The following MCF2L2 variants were observed in gnomAD, a reference collection of about 807,000 sequenced individuals.
MCF2L2 encodes MCF.2 cell line derived transforming sequence-like 2.
A neutral mutation model predicts 150.2 loss-of-function variants in MCF2L2; 102 were observed. That is an observed-to-expected ratio of 0.68 (90% CI 0.58 to 0.80). The LOEUF is 0.80. MCF2L2 is among the 30% of genes least tolerant of loss of function. MCF2L2 has a pLI of 0.00. For missense variants in MCF2L2, 1,256 were observed against 1,372.8 expected (o/e 0.91, Z 1.34); for synonymous variants, 465 against 491.3 (o/e 0.95, Z 0.71).
At chr3:183,302,092 G>A (rs531303793) in intron 10 of MCF2L2, among the ~76,000 whole-genome samples, 8 of 152,208 alleles carry the variant, frequency 5.3e-5, no homozygotes, top group Admixed American at 5.2e-4. Flanking sequence ...GAGCTCCCCT[G>A]GTAGACAACA....
chr3:183,299,127 AGGGCACCCCTCTCCTTGT>A (rs1560008151), intron 11 of MCF2L2: 1 of 152,346 alleles, frequency 6.6e-6, no homozygotes, highest in African/African-American at 2.4e-5. Flanking sequence ...TCACCTCCAA[AGGGCACCCCTCTCCTTGT>A]GGGCCCCTGG....
intron 20 of MCF2L2, among the ~76,000 whole-genome samples, chr3:183,221,235 AC>A (rs35090827): frequency 6.6e-6 from 1 of 151,898 alleles, no homozygotes; most frequent in Non-Finnish European, 1.5e-5. Context: ...CTCCTCACAG[AC>A]CCCCCGCAAA....
intron 1 of MCF2L2, among the ~76,000 whole-genome samples, chr3:183,391,390 T>C (rs1314562924): frequency 6.6e-6 from 1 of 152,080 alleles, no homozygotes; most frequent in East Asian, 1.9e-4. Flanking sequence ...AGCTTCTTCA[T>C]CCCAATACCA....
intron 5 of MCF2L2, among the ~76,000 whole-genome samples, chr3:183,330,584 G>A (rs1730232558): frequency 6.6e-6 from 1 of 152,046 alleles, no homozygotes; most frequent in Admixed American, 6.6e-5. Context: ...TGTGGTGACT[G>A]GATAACACCA....
chr3:183,248,403 G>C (rs1306062588), intron 15 of MCF2L2, among the ~76,000 whole-genome samples: 1 of 152,156 alleles, frequency 6.6e-6, no homozygotes, highest in Non-Finnish European at 1.5e-5. Context: ...TTGTATTAAA[G>C]AGTACTCAAT....
intron 27 of MCF2L2, among the ~76,000 whole-genome samples, chr3:183,191,303 C>G (rs1057281313): frequency 3.9e-5 from 6 of 152,120 alleles, no homozygotes; most frequent in African/African-American, 1.4e-4. Flanking sequence ...CAGAGAGGCA[C>G]ATTTGTTACA....
chr3:183,338,736 T>C (rs1730588137), intron 5 of MCF2L2, 64 bp downstream of exon 5: 4 of 1,511,490 alleles, frequency 2.6e-6, no homozygotes, highest in Non-Finnish European at 2.7e-6. Context: ...CCAGAAACCC[T>C]GCCCAAATGC....
intron 1 of MCF2L2, among the ~76,000 whole-genome samples, chr3:183,418,220 T>C (rs1715699995): frequency 6.6e-6 from 1 of 151,864 alleles, no homozygotes; most frequent in Non-Finnish European, 1.5e-5. Flanking sequence ...ACCCATCAGA[T>C]CTTGTGAGAA....
At chr3:183,352,142 T>G (rs1711519812) in intron 3 of MCF2L2, among the ~76,000 whole-genome samples, 1 of 152,188 alleles carries the variant, frequency 6.6e-6, no homozygotes, top group Admixed American at 6.5e-5. Flanking sequence ...TCATCTTATC[T>G]TTTGCTATTT....
chr3:183,385,480 G>A (rs1356649384), intron 2 of MCF2L2, among the ~76,000 whole-genome samples: 2 of 152,154 alleles, frequency 1.3e-5, no homozygotes, highest in East Asian at 3.9e-4. Context: ...GGTGAAACTG[G>A]GGACTCTACA....
intron 2 of MCF2L2, among the ~76,000 whole-genome samples, chr3:183,384,408 G>A (rs150531913): frequency 6.6e-6 from 1 of 152,196 alleles, no homozygotes; most frequent in African/African-American, 2.4e-5. Flanking sequence ...CATGCAGCTG[G>A]AGGCTGCAAG....
chr3:183,366,211 A>G (rs1435560424), intron 3 of MCF2L2, among the ~76,000 whole-genome samples: 1 of 152,200 alleles, frequency 6.6e-6, no homozygotes, highest in Admixed American at 6.5e-5. Context: ...AAGGATTAGC[A>G]TTGTTATCAG....
intron 14 of MCF2L2, among the ~76,000 whole-genome samples, chr3:183,278,085 G>A (rs1727261841): frequency 6.6e-6 from 1 of 151,586 alleles, no homozygotes; most frequent in African/African-American, 2.4e-5. Flanking sequence ...TTGGGAGGCT[G>A]AGGCAGGAGA....
chr3:183,214,321 C>T (rs563566939), intron 22 of MCF2L2, among the ~76,000 whole-genome samples: 10 of 152,240 alleles, frequency 6.6e-5, no homozygotes, highest in Middle Eastern at 3.4e-3. Context: ...TATACACACC[C>T]TAACCCTACT....
At chr3:183,249,812 C>G (rs1194998296) in intron 15 of MCF2L2, among the ~76,000 whole-genome samples, 2 of 152,156 alleles carry the variant, frequency 1.3e-5, no homozygotes, top group Non-Finnish European at 2.9e-5. Flanking sequence ...ATTCTTGGAA[C>G]AAAAGTTTGA....
At chr3:183,317,681 C>A (rs1729654945) in intron 7 of MCF2L2, among the ~76,000 whole-genome samples, 1 of 152,178 alleles carries the variant, frequency 6.6e-6, no homozygotes, top group Non-Finnish European at 1.5e-5. Context: ...CCTACCCCTG[C>A]AATTTCAGCA....
chr3:183,355,389 G>C (rs1260180036), intron 3 of MCF2L2, among the ~76,000 whole-genome samples: 1 of 151,712 alleles, frequency 6.6e-6, no homozygotes, highest in South Asian at 2.1e-4. Flanking sequence ...TTTCAGTAGA[G>C]GGGGGCAGAA....
At chr3:183,417,185 G>A (rs1160301309) in intron 1 of MCF2L2, among the ~76,000 whole-genome samples, 1 of 149,306 alleles carries the variant, frequency 6.7e-6, no homozygotes, top group Non-Finnish European at 1.5e-5. Context: ...AAGAGGATGT[G>A]CATAGGTTAA....
intron 1 of MCF2L2, among the ~76,000 whole-genome samples, chr3:183,402,873 T>C (rs1271796735): frequency 2.6e-5 from 4 of 151,430 alleles, no homozygotes; most frequent in Non-Finnish European, 5.9e-5. Flanking sequence ...AAAAAATATA[T>C]ATATATATAC....
Sources: allele counts gnomAD v4.1 joint callset (sites outside exome capture counted in the v4.1 genomes callset), GRCh38; gene constraint gnomAD v4.1.1; transcripts MANE v1.5; gene names NCBI Gene and HGNC (gene_info 2026-07-23, HGNC 2026-07-21).